The following LHFPL6 variants were observed in gnomAD, a reference collection of about 807,000 sequenced individuals.
LHFPL6 encodes LHFPL tetraspan subfamily member 6 protein.
LHFPL6 carries 9 observed loss-of-function variants against 20.6 expected under a neutral mutation model. The ratio of observed to expected loss-of-function variants is 0.44; its 90% confidence interval spans 0.26 to 0.76. The LOEUF (loss-of-function observed/expected upper bound fraction) is 0.76. Ranked by LOEUF, LHFPL6 falls within the 30% of genes least tolerant of loss-of-function variation. The probability of loss-of-function intolerance (pLI) is 0.20; values close to 1 mark genes in which losing one functional copy is unlikely to be tolerated. For synonymous variants in LHFPL6, 105 were observed against 98.7 expected, an observed-to-expected ratio of 1.06 and a Z score of -0.38; for missense variants, 218 against 253.5, an observed-to-expected ratio of 0.86 and a Z score of 0.95.
At chr13:39,468,332 A>G (rs1292935084) in intron 2 of LHFPL6, among the ~76,000 whole-genome samples, 1 of 152,134 alleles carries the variant, frequency 6.6e-6, no homozygotes, top group African/African-American at 2.4e-5. Flanking sequence ...AGTTCCCTTT[A>G]TAGCTGTTTT....
At chr13:39,498,679 G>A (rs549235016) in intron 2 of LHFPL6, among the ~76,000 whole-genome samples, 7 of 152,096 alleles carry the variant, frequency 4.6e-5, no homozygotes, top group Non-Finnish European at 1.0e-4. Context: ...ATTTAACAAA[G>A]GTAACAAAAA....
intron 2 of LHFPL6, among the ~76,000 whole-genome samples, chr13:39,579,304 T>A (rs182515893): frequency 6.6e-6 from 1 of 152,282 alleles, no homozygotes; most frequent in African/African-American, 2.4e-5. Context: ...GAAACAAATG[T>A]GATAGTGCAT....
intron 3 of LHFPL6, among the ~76,000 whole-genome samples, chr13:39,349,312 T>C (rs1008887420): frequency 6.6e-6 from 1 of 151,364 alleles, no homozygotes; most frequent in Non-Finnish European, 1.5e-5. Flanking sequence ...AAAGTACATA[T>C]GCATACATGT....
intron 3 of LHFPL6, among the ~76,000 whole-genome samples, chr13:39,369,167 T>G (rs904900908): frequency 1.3e-5 from 2 of 152,092 alleles, no homozygotes; most frequent in African/African-American, 4.8e-5. Context: ...CCCAATAGTT[T>G]TGTAACCATA....
intron 2 of LHFPL6, among the ~76,000 whole-genome samples, chr13:39,596,499 G>A (rs144126528): frequency 1.0e-3 from 157 of 152,198 alleles, no homozygotes; most frequent in African/African-American, 3.2e-3. Flanking sequence ...TCTGCAATCC[G>A]TGTTTTAAAA....
At chr13:39,374,687 C>A (rs777258749) in intron 3 of LHFPL6, among the ~76,000 whole-genome samples, 4 of 152,152 alleles carry the variant, frequency 2.6e-5, no homozygotes, top group South Asian at 2.1e-4. Flanking sequence ...TTAGATGCAA[C>A]AACTAGTGTG....
intron 2 of LHFPL6, among the ~76,000 whole-genome samples, chr13:39,384,128 C>A (rs1230888084): frequency 6.6e-6 from 1 of 152,186 alleles, no homozygotes; most frequent in East Asian, 1.9e-4. Context: ...GGCAGAAGAG[C>A]CAATACTGAT....
chr13:39,348,389 T>C (rs563375455), intron 3 of LHFPL6, among the ~76,000 whole-genome samples: 47 of 152,326 alleles, frequency 3.1e-4, no homozygotes, highest in African/African-American at 1.0e-3. Flanking sequence ...CAGCCAGCGA[T>C]GTACTTGTAC....
rs539262565 is a variant in LHFPL6 at position 39,546,648 on chromosome 13, G to A, written c.385+54184C>T. 1.7e-3 allele frequency among the ~76,000 whole-genome samples: 252 copies of A among 152,146 alleles called. 1 individual carries two copies. The highest frequency in any genetic ancestry group is 0.01 in the Middle Eastern group (3 of 294). On this transcript the variant is annotated intron_variant, in intron 2 of 3. Transcript: ENST00000379589. ...GATACAGCCAGAGACCCAGACACGAGAGCCAGCAATCAGGGTCACCCTTGA... is the reference window on the plus strand; with the variant it reads ...GATACAGCCAGAGACCCAGACACGAAAGCCAGCAATCAGGGTCACCCTTGA...
intron 3 of LHFPL6, among the ~76,000 whole-genome samples, chr13:39,366,504 A>G (rs182065031): frequency 2.4e-4 from 37 of 152,340 alleles, no homozygotes; most frequent in African/African-American, 8.9e-4. Flanking sequence ...AATAATACCC[A>G]TATATCACTG....
intron 2 of LHFPL6, among the ~76,000 whole-genome samples, chr13:39,474,514 T>C (rs1274136048): frequency 1.3e-5 from 2 of 152,224 alleles, no homozygotes; most frequent in Non-Finnish European, 2.9e-5. Flanking sequence ...AAACAGGATC[T>C]CTTTTTCAAA....
chr13:39,476,803 A>G (rs9576814), intron 2 of LHFPL6, among the ~76,000 whole-genome samples: 19,959 of 152,174 alleles, frequency 0.13, 2,730 homozygotes, highest in African/African-American at 0.33. Context: ...TCCTCCCTTC[A>G]AGATGATGGC....
chr13:39,462,810 C>A (rs7983763), intron 2 of LHFPL6, among the ~76,000 whole-genome samples: 84,350 of 151,944 alleles, frequency 0.56, 24,668 homozygotes, highest in East Asian at 0.9. Context: ...AAGCCTCACG[C>A]ATTTAAGTTT....
Position 39,551,155 on chromosome 13 carries a change from G to C in LHFPL6, c.385+49677C>G, listed in dbSNP as rs530058202. On this transcript the variant is annotated intron_variant, in intron 2 of 3. Coordinates refer to ENST00000379589, the MANE Select transcript of LHFPL6 (RefSeq NM_005780.3). Reference sequence around the variant, plus strand: ...TAGTCCATTTTCTGTTGCTCTAGCAGAATGCCACAGAGTGGGTAATTTATA... The same window carrying C: ...TAGTCCATTTTCTGTTGCTCTAGCACAATGCCACAGAGTGGGTAATTTATA... Among the ~76,000 whole-genome samples the C allele has an allele frequency of 7.2e-5, 11 of 152,248 alleles. 1 individual carries two copies. Among genetic ancestry groups the C allele is most frequent in the African/African-American group, 2.7e-4 (11 of 41,492 alleles).
chr13:39,536,497 A>G lies in LHFPL6; in HGVS notation c.385+64335T>C, dbSNP rs551483390. Among the ~76,000 whole-genome samples, 4 of 151,990 alleles carry G rather than the reference A, an allele frequency of 2.6e-5. No individual in the cohort carries two copies. The East Asian group carries it at 7.8e-4, about 29-fold the overall frequency. Reference sequence around the variant, plus strand: ...TAGATTCAGCCTTCCTGCCCAACTCATGGCTCTCCTAACGCGCAGCTCCTG... The same window carrying G: ...TAGATTCAGCCTTCCTGCCCAACTCGTGGCTCTCCTAACGCGCAGCTCCTG... On this transcript the variant is annotated intron_variant, in intron 2 of 3. Transcript: ENST00000379589.
At chr13:39,595,799 C>T (rs1193626244) in intron 2 of LHFPL6, among the ~76,000 whole-genome samples, 1 of 152,176 alleles carries the variant, frequency 6.6e-6, no homozygotes, top group Non-Finnish European at 1.5e-5. Flanking sequence ...GAGATCTTTT[C>T]ATTAGTCAAA....
At chr13:39,573,462 T>C (rs867866272) in intron 2 of LHFPL6, among the ~76,000 whole-genome samples, 2 of 152,160 alleles carry the variant, frequency 1.3e-5, no homozygotes, top group Non-Finnish European at 2.9e-5. Flanking sequence ...ACTATTTTAA[T>C]AGAACAATAA....
chr13:39,375,200 C>T (rs1158215118), intron 3 of LHFPL6, among the ~76,000 whole-genome samples: 1 of 152,218 alleles, frequency 6.6e-6, no homozygotes, highest in African/African-American at 2.4e-5. Flanking sequence ...GTGGCAGAGG[C>T]AAGCAGCATG....
intron 2 of LHFPL6, among the ~76,000 whole-genome samples, chr13:39,550,211 G>T (rs990864249): frequency 1.3e-5 from 2 of 152,018 alleles, no homozygotes; most frequent in Non-Finnish European, 2.9e-5. Flanking sequence ...TTCTGGAAAA[G>T]GGAAAACTAT....
Sources: allele counts gnomAD v4.1 joint callset (sites outside exome capture counted in the v4.1 genomes callset), GRCh38; gene constraint gnomAD v4.1.1; transcripts MANE v1.5; gene names NCBI Gene and HGNC (gene_info 2026-07-23, HGNC 2026-07-21).